Variants in PRKG2 observed in about 807,000 individuals in gnomAD.
PRKG2 encodes protein kinase cGMP-dependent 2, also known as cGMP-dependent protein kinase 2.
Under a neutral mutation model 97.2 loss-of-function variants are expected in PRKG2, and 33 were observed. That is an observed-to-expected ratio of 0.34 (90% confidence interval 0.26 to 0.45). The LOEUF (loss-of-function observed/expected upper bound fraction) is 0.45. Among genes scored for constraint, PRKG2 ranks in the 20% least tolerant of loss-of-function variants. The pLI, the probability that PRKG2 is intolerant of heterozygous loss-of-function variation, is 1.00. For missense variants in PRKG2, 638 were observed against 900.0 expected, an observed-to-expected ratio of 0.71 and a Z score of 3.73; for synonymous variants, 330 against 321.8, an observed-to-expected ratio of 1.03 and a Z score of -0.27.
chr4:81,158,751 T>C (rs1049335619), intron 6 of PRKG2, among the ~76,000 whole-genome samples: 2 of 152,054 alleles, frequency 1.3e-5, no homozygotes, highest in African/African-American at 4.8e-5. Context: ...AAAACAGAGA[T>C]ATAGATCAAT....
intron 17 of PRKG2, among the ~76,000 whole-genome samples, chr4:81,100,952 G>A (rs570285049): frequency 0.064 from 9,740 of 151,692 alleles, 1,057 homozygotes; most frequent in African/African-American, 0.23. Context: ...GCAGCCAAAA[G>A]ACATATGAAA....
At chr4:81,129,469 A>C (rs1427127433) in intron 14 of PRKG2, among the ~76,000 whole-genome samples, 1 of 152,132 alleles carries the variant, frequency 6.6e-6, no homozygotes, top group Non-Finnish European at 1.5e-5. Context: ...TAGGAATCTA[A>C]GTCTCTTTGT....
intron 6 of PRKG2, among the ~76,000 whole-genome samples, chr4:81,160,989 T>A (rs1272626383): frequency 6.6e-6 from 1 of 152,158 alleles, no homozygotes. Flanking sequence ...CTTTAATTTT[T>A]AAAAAGGCAT....
intron 14 of PRKG2, among the ~76,000 whole-genome samples, chr4:81,124,895 G>A (rs545454894): frequency 1.3e-5 from 2 of 152,250 alleles, no homozygotes; most frequent in Non-Finnish European, 2.9e-5. Context: ...AATTGTGGGG[G>A]TCCCTTTACC....
At chr4:81,092,672 C>T (rs1448096479) in intron 17 of PRKG2, among the ~76,000 whole-genome samples, 1 of 152,178 alleles carries the variant, frequency 6.6e-6, no homozygotes, top group African/African-American at 2.4e-5. Flanking sequence ...CTAAGGTCTA[C>T]AATTCTTATT....
chr4:81,107,747 G>A (rs925345935), intron 15 of PRKG2, among the ~76,000 whole-genome samples: 1 of 151,854 alleles, frequency 6.6e-6, no homozygotes, highest in African/African-American at 2.4e-5. Flanking sequence ...TCTTGACCTC[G>A]TGATCCGCCC....
chr4:81,149,129 C>T (rs1748139370), intron 8 of PRKG2, among the ~76,000 whole-genome samples, 177 bp from the exon 9 acceptor site: 1 of 152,038 alleles, frequency 6.6e-6, no homozygotes, highest in South Asian at 2.1e-4. Flanking sequence ...AAATGTGCCC[C>T]AGTAGAGGTT....
intron 14 of PRKG2, among the ~76,000 whole-genome samples, chr4:81,116,358 C>T (rs1744519323): frequency 6.6e-6 from 1 of 152,132 alleles, no homozygotes; most frequent in African/African-American, 2.4e-5. Flanking sequence ...CTGCGAAGTA[C>T]ATGATTTCAT....
intron 8 of PRKG2, among the ~76,000 whole-genome samples, 193 bp from the exon 9 acceptor site, chr4:81,149,145 C>T (rs1361417707): frequency 6.6e-6 from 1 of 152,008 alleles, no homozygotes. Context: ...AGGTTATGTA[C>T]ACAAAGAATT....
At chr4:81,123,785 T>C (rs1745298043) in intron 14 of PRKG2, among the ~76,000 whole-genome samples, 1 of 152,218 alleles carries the variant, frequency 6.6e-6, no homozygotes, top group Non-Finnish European at 1.5e-5. Context: ...ATCTCTTTTC[T>C]GTTTCCTTAA....
rs140303803 is a variant in PRKG2, at chr4:81,135,196, G to A, written c.1735C>T (p.Pro579Ser). Residue 579 changes from proline to serine, a missense_variant, in exon 14 of 19, where the codon CCA (proline) becomes TCA (serine). By Grantham distance (74) the Pro-to-Ser change is moderately conservative. Transcript: ENST00000264399. ...TCAGCATCTAGAATTAAGTTTTCTGGTTTCAAGTCTCTGTAGATAATACCT... is the reference window on the plus strand; with the variant it reads ...TCAGCATCTAGAATTAAGTTTTCTGATTTCAAGTCTCTGTAGATAATACCT... ...RLGIIYRDLK[P>S]ENLILDAEGY... The A allele has an allele frequency of 6.2e-7, 1 of 1,610,672 alleles. No individual in the cohort carries two copies.
intron 2 of PRKG2, among the ~76,000 whole-genome samples, chr4:81,184,115 G>A (rs60138132): frequency 0.21 from 31,909 of 152,164 alleles, 6,284 homozygotes; most frequent in African/African-American, 0.5. Context: ...AGAGAGCAGC[G>A]TATCTCCCAG....
At chr4:81,196,986 C>A (rs1012552115) in intron 2 of PRKG2, among the ~76,000 whole-genome samples, 1 of 152,164 alleles carries the variant, frequency 6.6e-6, no homozygotes, top group Non-Finnish European at 1.5e-5. Context: ...TCATCCTTGT[C>A]TTCAGATCTG....
chr4:81,118,604 G>A (rs1423359618), intron 14 of PRKG2, among the ~76,000 whole-genome samples: 2 of 152,106 alleles, frequency 1.3e-5, no homozygotes, highest in Admixed American at 6.5e-5. Flanking sequence ...CTGTGGTGAG[G>A]TGTCTCTTCA....
Position 81,092,415 on chromosome 4 carries a change from G to A in PRKG2, c.2164C>T (p.Arg722Trp), listed in dbSNP as rs140080099. Reference protein sequence around the residue: ...NGFNWEGLKARSLPSPLQREL... With the variant: ...NGFNWEGLKAWSLPSPLQREL... ...CTTTGCAAAGGTGATGGAAGGCTCC[G>A]TGCTTTCAGTCCCTCCCAATTAAAA... The change falls in exon 18 of 19, where the codon CGG becomes TGG. Residue 722 changes from arginine to tryptophan, a missense_variant. Coordinates refer to ENST00000264399, the MANE Select transcript of PRKG2 (RefSeq NM_006259.3). 4.4e-6 allele frequency: 7 copies of A among 1,593,336 alleles called. No homozygotes were observed. The highest frequency in any genetic ancestry group is 6.0e-6 in the Non-Finnish European group (7 of 1,165,988).
At chr4:81,123,369 A>T (rs969748330) in intron 14 of PRKG2, among the ~76,000 whole-genome samples, 1 of 152,168 alleles carries the variant, frequency 6.6e-6, no homozygotes, top group Admixed American at 6.5e-5. Context: ...TATTTTAAGC[A>T]TATCTCCTGT....
intron 6 of PRKG2, among the ~76,000 whole-genome samples, chr4:81,157,360 C>T (rs1749196496): frequency 6.6e-6 from 1 of 152,318 alleles, no homozygotes; most frequent in African/African-American, 2.4e-5. Context: ...AATACATACA[C>T]TCTCCCAAGA....
chr4:81,130,045 G>A (rs763655594), intron 14 of PRKG2, among the ~76,000 whole-genome samples: 3 of 151,998 alleles, frequency 2.0e-5, no homozygotes, highest in Admixed American at 2.0e-4. Context: ...AAAATCTTTC[G>A]GCATTTGCTT....
chr4:81,153,277 T>C (rs1560584113), intron 7 of PRKG2, among the ~76,000 whole-genome samples: 3 of 152,240 alleles, frequency 2.0e-5, no homozygotes, highest in Admixed American at 6.5e-5. Flanking sequence ...CTACTTGTCA[T>C]ATCTATTGGA....
Sources: gnomAD v4.1 joint callset for allele counts (sites outside exome capture counted in the v4.1 genomes callset) on GRCh38, gnomAD v4.1.1 for gene constraint, MANE v1.5 for transcripts, NCBI Gene and HGNC (gene_info 2026-07-23, HGNC 2026-07-21) for gene names.